PLCE1: variants seen among roughly 807,000 people sequenced by gnomAD.
PLCE1 encodes phospholipase C epsilon 1.
Under a neutral mutation model 242.8 loss-of-function variants are expected in PLCE1, and 119 were observed. The observed-to-expected ratio is 0.49, with a 90% CI of 0.42 to 0.57. PLCE1 has a LOEUF of 0.57. Among genes scored for constraint, PLCE1 ranks in the 20% least tolerant of loss-of-function variants. PLCE1 has a pLI of 0.00. For missense variants in PLCE1, 2,441 were observed against 2,788.8 expected, an observed-to-expected ratio of 0.88 and a Z score of 2.81; for synonymous variants, 945 against 1,017.4, an observed-to-expected ratio of 0.93 and a Z score of 1.35.
chr10:94,021,660 C>T (rs1318027502), intron 1 of PLCE1, among the ~76,000 whole-genome samples: 1 of 152,102 alleles, frequency 6.6e-6, no homozygotes, highest in Non-Finnish European at 1.5e-5. Context: ...TTTGTAGTAT[C>T]TTGAAATTAG....
intron 3 of PLCE1, among the ~76,000 whole-genome samples, chr10:94,145,998 A>T (rs1178593751): frequency 3.3e-5 from 5 of 152,166 alleles, no homozygotes; most frequent in Non-Finnish European, 7.3e-5. Flanking sequence ...GAAATGATGC[A>T]GTGGACATAG....
At chr10:94,115,091 A>G (rs1014346284) in intron 2 of PLCE1, among the ~76,000 whole-genome samples, 1 of 152,218 alleles carries the variant, frequency 6.6e-6, no homozygotes, top group African/African-American at 2.4e-5. Flanking sequence ...TACAAAGGAC[A>G]TGAACTCATC....
At chr10:94,272,256 C>T (rs1000731291) in intron 18 of PLCE1, among the ~76,000 whole-genome samples, 2 of 152,140 alleles carry the variant, frequency 1.3e-5, no homozygotes, top group South Asian at 4.1e-4. Context: ...GACCTCCCCC[C>T]AGGAATGCAA....
chr10:94,321,969 C>T lies in PLCE1; in HGVS notation c.6411C>T (p.Phe2137=), dbSNP rs1222816371. Residue 2137 remains phenylalanine (F), a synonymous_variant, in exon 30 of 33, where the codon TTC becomes TTT. Transcript: ENST00000371380. The part of the protein sequence containing the change: ...EVILSSEEES[F]FVQVHDVSPE... ...TCTTGAGCTCAGAGGAGGAGAGTTT[C>T]TTTGTCCAAGTGCATGATGTTTCTC... 1.2e-6 allele frequency: 2 copies of T among 1,613,904 alleles called. No homozygotes were observed. The highest frequency in any genetic ancestry group is 1.7e-5 in the Admixed American group (1 of 60,000).
In PLCE1 at chr10:94,259,028, A is replaced by G. The variant is rs778503393; in HGVS notation, c.3692A>G (p.Lys1231Arg). 2 of 1,614,124 alleles carry G rather than the reference A, an allele frequency of 1.2e-6. No individual in the cohort carries two copies. The highest frequency in any genetic ancestry group is 8.5e-7 in the Non-Finnish European group (1 of 1,179,986). Residue 1231 changes from lysine to arginine, a missense_variant, in exon 13 of 33, where the codon AAG (lysine) becomes AGG (arginine). Physicochemically the swap from Lys to Arg is conservative, Grantham distance 26. This residue lies in a region of PLCE1 where 1,004 missense variants were observed against 1,322.7 expected (regional missense o/e 0.76). Transcript: ENST00000371380. ...LFKSFSVRSR[K>R]DLKDLFDVYA... ...TCCTCATTCAGTGTCAGGAGCCGCA[A>G]GGACCTGAAGGATCTGTTTGATGTC...
intron 1 of PLCE1, among the ~76,000 whole-genome samples, chr10:94,004,417 G>A (rs1004728103): frequency 2.0e-4 from 31 of 152,124 alleles, no homozygotes; most frequent in African/African-American, 7.5e-4. Context: ...GGGGGAAAAA[G>A]TGTTCCTAAG....
intron 2 of PLCE1, among the ~76,000 whole-genome samples, chr10:94,043,071 G>T (rs539482828): frequency 6.6e-6 from 1 of 152,242 alleles, no homozygotes; most frequent in East Asian, 1.9e-4. Context: ...GTTGTGAGGC[G>T]GTAGGAAAAA....
At chr10:94,087,589 A>G (rs2044879960) in intron 2 of PLCE1, among the ~76,000 whole-genome samples, 1 of 151,636 alleles carries the variant, frequency 6.6e-6, no homozygotes, top group African/African-American at 2.4e-5. Flanking sequence ...GGCGCACACC[A>G]CCATGCCCAG....
intron 1 of PLCE1, among the ~76,000 whole-genome samples, chr10:94,012,222 C>T (rs892150992): frequency 3.9e-5 from 6 of 152,004 alleles, no homozygotes; most frequent in South Asian, 2.1e-4. Flanking sequence ...CTCACCCCTC[C>T]GGTCTCAAGT....
chr10:94,200,179 T>G (rs1221077221), intron 4 of PLCE1, among the ~76,000 whole-genome samples: 1 of 152,198 alleles, frequency 6.6e-6, no homozygotes, highest in African/African-American at 2.4e-5. Flanking sequence ...TAGAAACAAC[T>G]GACATCCCAG....
chr10:94,266,235 G>A (rs1363846578), intron 16 of PLCE1, among the ~76,000 whole-genome samples: 1 of 152,114 alleles, frequency 6.6e-6, no homozygotes, highest in Non-Finnish European at 1.5e-5. Context: ...TTAGATCCTA[G>A]TTAGTCTGAC....
intron 7 of PLCE1, among the ~76,000 whole-genome samples, chr10:94,238,073 A>G (rs894185299): frequency 6.6e-6 from 1 of 152,208 alleles, no homozygotes; most frequent in Non-Finnish European, 1.5e-5. Context: ...TACTCCTGCC[A>G]GAAAACCACT....
At chr10:94,324,305 G>T (rs937591335) in intron 30 of PLCE1, 44 bp from the exon 31 acceptor site, 2 of 1,466,176 alleles carry the variant, frequency 1.4e-6, no homozygotes, top group South Asian at 1.1e-5. Context: ...GCAAATGTTG[G>T]AGATTCTGTG....
intron 3 of PLCE1, among the ~76,000 whole-genome samples, chr10:94,133,548 C>A (rs571737904): frequency 6.6e-6 from 1 of 152,302 alleles, no homozygotes; most frequent in Non-Finnish European, 1.5e-5. Context: ...TCCTGAGACC[C>A]AAGGCCAGCA....
intron 2 of PLCE1, among the ~76,000 whole-genome samples, chr10:94,062,766 T>C (rs992942688): frequency 6.6e-6 from 1 of 152,164 alleles, no homozygotes; most frequent in Non-Finnish European, 1.5e-5. Flanking sequence ...AACTGTTGTC[T>C]TTCTGAGTTC....
At chr10:94,220,381 TATATATATA>T (rs1564800300) in intron 4 of PLCE1, among the ~76,000 whole-genome samples, 5 of 34,876 alleles carry the variant, frequency 1.4e-4, no homozygotes, top group Non-Finnish European at 2.8e-4. Flanking sequence ...ACATTTTATA[TATATATATA>T]TATATATATA....
chr10:94,049,447 G>A (rs1196288287), intron 2 of PLCE1, among the ~76,000 whole-genome samples: 2 of 152,074 alleles, frequency 1.3e-5, no homozygotes, highest in Admixed American at 6.6e-5. Context: ...TTCCATACAT[G>A]TGTGGGCCTT....
At chr10:94,028,773 TC>T (rs1323574409) in intron 1 of PLCE1, among the ~76,000 whole-genome samples, 9 of 152,076 alleles carry the variant, frequency 5.9e-5, no homozygotes, top group African/African-American at 1.7e-4. Flanking sequence ...ACATGGTGAA[TC>T]CCTGTCTTTA....
intron 1 of PLCE1, among the ~76,000 whole-genome samples, chr10:93,998,552 G>A (rs1002716277): frequency 6.6e-5 from 10 of 152,322 alleles, no homozygotes; most frequent in Middle Eastern, 3.4e-3. Context: ...TGACCTTTGC[G>A]TAAAATAGCA....
Sources: allele counts gnomAD v4.1 joint callset (sites outside exome capture counted in the v4.1 genomes callset), GRCh38; gene constraint gnomAD v4.1.1; regional missense constraint gnomAD v4.1.1; transcripts MANE v1.5; gene names NCBI Gene and HGNC (gene_info 2026-07-23, HGNC 2026-07-21).